FUT9: variants seen among roughly 807,000 people sequenced by gnomAD.
FUT9 encodes 4-galactosyl-N-acetylglucosaminide 3-alpha-L-fucosyltransferase 9.
A neutral mutation model predicts 29.7 loss-of-function variants in FUT9; 15 were observed. The ratio of observed to expected loss-of-function variants is 0.51; its 90% CI spans 0.34 to 0.78. The LOEUF (loss-of-function observed/expected upper bound fraction) is 0.78. FUT9 is among the 30% of genes least tolerant of loss of function. The probability of loss-of-function intolerance (pLI) is 0.01; values close to 1 mark genes in which losing one functional copy is unlikely to be tolerated. For missense variants in FUT9, 319 were observed against 425.4 expected, an observed-to-expected ratio of 0.75 and a Z score of 2.20; for synonymous variants, 169 against 153.7, an observed-to-expected ratio of 1.10 and a Z score of -0.74.
At chr6:96,073,811 T>C (rs1326466082) in intron 1 of FUT9, among the ~76,000 whole-genome samples, 1 of 152,182 alleles carries the variant, frequency 6.6e-6, no homozygotes, top group Non-Finnish European at 1.5e-5. Flanking sequence ...TCATTAGCTG[T>C]GTAACCTTGT....
At chr6:96,062,873 A>G (rs1165801753) in intron 1 of FUT9, among the ~76,000 whole-genome samples, 1 of 152,188 alleles carries the variant, frequency 6.6e-6, no homozygotes, top group Non-Finnish European at 1.5e-5. Flanking sequence ...AACAACAAAA[A>G]AGTGCCTTCA....
At position 96,183,559 on chromosome 6, in the gene FUT9, G is replaced by T. The variant is rs932438130; in HGVS notation, c.-8-19589G>T. Among the ~76,000 whole-genome samples the T allele has an allele frequency of 2.0e-5, 3 of 152,040 alleles. No homozygotes were observed. The East Asian group carries it at 5.8e-4, about 29-fold the overall frequency. ...AATGCTTTCAATTTTTCCCCATTCA[G>T]TATTACATTGGCTGTGGGTTTGTCA... On this transcript the variant is annotated intron_variant, in intron 2 of 2. Coordinates refer to ENST00000302103, the MANE Select transcript of FUT9 (RefSeq NM_006581.4).
intron 1 of FUT9, among the ~76,000 whole-genome samples, chr6:96,112,709 A>T (rs1440052791): frequency 6.6e-6 from 1 of 152,194 alleles, no homozygotes; most frequent in Admixed American, 6.5e-5. Flanking sequence ...AAGATGCTTA[A>T]CAAGTATTTT....
At chr6:96,190,119 C>T (rs1773478536) in intron 2 of FUT9, among the ~76,000 whole-genome samples, 1 of 152,102 alleles carries the variant, frequency 6.6e-6, no homozygotes, top group Non-Finnish European at 1.5e-5. Flanking sequence ...CAAAATCTCT[C>T]AGCATTTGCT....
At chr6:96,068,269 A>G (rs528553972) in intron 1 of FUT9, among the ~76,000 whole-genome samples, 1 of 152,300 alleles carries the variant, frequency 6.6e-6, no homozygotes, top group East Asian at 1.9e-4. Context: ...GAAAAGAAAA[A>G]AAGACAGTAA....
At chr6:96,035,478 T>C (rs901183132) in intron 1 of FUT9, among the ~76,000 whole-genome samples, 2 of 150,998 alleles carry the variant, frequency 1.3e-5, no homozygotes, top group African/African-American at 2.4e-5. Flanking sequence ...AATTTCCTTT[T>C]ATCTCTTAAT....
At position 96,203,535 on chromosome 6, in the gene FUT9, C is replaced by G; in HGVS notation, c.380C>G (p.Pro127Arg). ...AATTTACCTCAGCAAGCTAGGCCACCCTTCCAGAAATGGATTTGGATGAAT... is the reference window on the plus strand; with the variant it reads ...AATTTACCTCAGCAAGCTAGGCCACGCTTCCAGAAATGGATTTGGATGAAT... ...LTNLPQQARP[P>R]FQKWIWMNLE... Residue 127 changes from proline (P) to arginine (R), a missense_variant, in exon 3 of 3, where the codon CCC (proline) becomes CGC (arginine). Transcript: ENST00000302103. 6.2e-7 allele frequency: 1 copy of G among 1,613,624 alleles called. No individual in the cohort carries two copies. The highest frequency in any genetic ancestry group is 8.5e-7 in the Non-Finnish European group (1 of 1,179,932).
In FUT9 at chr6:96,163,280, C is replaced by CT. The variant is rs36099595; in HGVS notation, c.-8-39853dup. Among the ~76,000 whole-genome samples the CT allele has an allele frequency of 8.1e-3, 1,156 of 142,994 alleles. 17 individuals are homozygous for CT. The highest frequency in any genetic ancestry group is 0.015 in the African/African-American group (596 of 38,916). 93.8% of individuals were successfully genotyped at this position (142,994 alleles called of 152,430 possible). On this transcript the variant is annotated intron_variant, in intron 2 of 2. Transcript: ENST00000302103. ...AGACAGCAGTAACTACTTCCAAGCT[C>CT]TTTTTTTTTTTTTTTGAAAACGAGA...
intron 2 of FUT9, among the ~76,000 whole-genome samples, chr6:96,157,301 A>G (rs903367499): frequency 1.3e-5 from 2 of 152,226 alleles, no homozygotes; most frequent in African/African-American, 4.8e-5. Flanking sequence ...AAAACATCAC[A>G]AAGGAGGACC....
chr6:96,050,047 A>T (rs751061498), intron 1 of FUT9, among the ~76,000 whole-genome samples: 4 of 152,188 alleles, frequency 2.6e-5, no homozygotes, highest in Non-Finnish European at 5.9e-5. Flanking sequence ...CTCGAAGGCC[A>T]TGTGCAAACA....
chr6:96,180,229 G>A (rs907058053), intron 2 of FUT9, among the ~76,000 whole-genome samples: 2 of 152,096 alleles, frequency 1.3e-5, no homozygotes, highest in Non-Finnish European at 1.5e-5. Flanking sequence ...GACTATCCCA[G>A]GTTACTTACA....
At chr6:96,189,994 C>G (rs1381437815) in intron 2 of FUT9, among the ~76,000 whole-genome samples, 4 of 152,144 alleles carry the variant, frequency 2.6e-5, no homozygotes, top group Non-Finnish European at 5.9e-5. Context: ...GCAGTTTCTT[C>G]CTAGCATCAA....
intron 1 of FUT9, among the ~76,000 whole-genome samples, chr6:96,017,122 T>G (rs996136050): frequency 2.6e-5 from 4 of 152,196 alleles, no homozygotes; most frequent in African/African-American, 9.6e-5. Context: ...GCTCAGCAAC[T>G]CTTGAGGATA....
intron 2 of FUT9, among the ~76,000 whole-genome samples, chr6:96,135,871 G>C (rs1443720546): frequency 6.6e-6 from 1 of 151,190 alleles, no homozygotes. Context: ...TAAGAAAGTG[G>C]GAAGCAAACA....
At chr6:96,101,175 A>G (rs552125514) in intron 1 of FUT9, among the ~76,000 whole-genome samples, 14 of 152,320 alleles carry the variant, frequency 9.2e-5, no homozygotes, top group Admixed American at 9.1e-4. Context: ...ATGTGTGGGC[A>G]TGTTTGTGTG....
rs547242393 is a variant in FUT9 at position 96,053,663 on chromosome 6, C to T, written c.-98+37451C>T. ...GGCGTAGTTTGCAGTGAGCCGAGAT[C>T]GCACCACTCCACTCCAGCCTGGGCA... On this transcript the variant is annotated intron_variant, in intron 1 of 2. Transcript: ENST00000302103. 1.6e-4 allele frequency among the ~76,000 whole-genome samples: 24 copies of T among 152,170 alleles called. No homozygotes were observed. In the East Asian group the frequency reaches 3.1e-3, roughly 20 times the overall value.
At position 96,208,788 on chromosome 6, in the gene FUT9, A is replaced by G. The variant is rs749260201; in HGVS notation, c.*4553A>G. 9 of 166,794 alleles carry G rather than the reference A, an allele frequency of 5.4e-5. No homozygotes were observed. Among genetic ancestry groups the G allele is most frequent in the Non-Finnish European group, 1.3e-4 (9 of 67,996 alleles). The allele number at this position is 166,794 out of a possible 1,614,324, so 10.3% of individuals were successfully genotyped here. A position where few individuals can be genotyped will look rare whatever the true frequency, so the allele number is the denominator to read the frequency against. On this transcript the variant is annotated 3_prime_UTR_variant, in exon 3 of 3. Transcript: ENST00000302103. ...AAGAAAATTAGTATTTAAGGAGAGT[A>G]TAAAGTGCGAGCACTGTGAAGGGCA... is the stretch of plus-strand genomic sequence containing the variant.
chr6:96,086,176 C>G lies in FUT9; in HGVS notation c.-97-27863C>G, dbSNP rs372530813. 3.3e-5 allele frequency among the ~76,000 whole-genome samples: 5 copies of G among 152,124 alleles called. No homozygotes were observed. In the South Asian group the frequency reaches 8.3e-4, roughly 25 times the overall value. Reference sequence around the variant, plus strand: ...ACACTAACCAGACTTTTCTCCAGACCGCATAAATGTACCTGTCTACACACT... The same window carrying G: ...ACACTAACCAGACTTTTCTCCAGACGGCATAAATGTACCTGTCTACACACT... On this transcript the variant is annotated intron_variant, in intron 1 of 2. Coordinates refer to ENST00000302103, the MANE Select transcript of FUT9 (RefSeq NM_006581.4).
chr6:96,198,640 C>G lies in FUT9; in HGVS notation c.-8-4508C>G, dbSNP rs973256310. On this transcript the variant is annotated intron_variant, in intron 2 of 2. Coordinates refer to ENST00000302103, the MANE Select transcript of FUT9 (RefSeq NM_006581.4). ...TCCTTTGGGTATATACCCAGTAATG[C>G]GATGGCTGGGTCAAATGGTATTTCT... 1.6e-4 allele frequency among the ~76,000 whole-genome samples: 25 copies of G among 152,048 alleles called. 1 individual carries two copies. Among genetic ancestry groups the G allele is most frequent in the Non-Finnish European group, 8.8e-5 (6 of 68,006 alleles).
Sources: allele counts gnomAD v4.1 joint callset (sites outside exome capture counted in the v4.1 genomes callset), GRCh38; gene constraint gnomAD v4.1.1; transcripts MANE v1.5; gene names NCBI Gene and HGNC (gene_info 2026-07-23, HGNC 2026-07-21).